Variants in NAALAD2 observed in about 807,000 individuals in gnomAD.
NAALAD2 encodes N-acetylated-alpha-linked acidic dipeptidase 2.
A neutral mutation model predicts 95.6 loss-of-function variants in NAALAD2; 89 were observed. The ratio of observed to expected loss-of-function variants is 0.93; its 90% CI spans 0.78 to 1.11. The LOEUF (loss-of-function observed/expected upper bound fraction) is 1.11. Ranked by LOEUF, NAALAD2 falls within the 50% of genes least tolerant of loss-of-function variation. The pLI is 0.00. For synonymous variants in NAALAD2, 264 were observed against 294.4 expected (o/e 0.90, Z 1.06); for missense variants, 894 against 872.4 (o/e 1.02, Z -0.31).
intron 18 of NAALAD2, among the ~76,000 whole-genome samples, chr11:90,188,333 T>C (rs1857222391): frequency 6.6e-6 from 1 of 152,226 alleles, no homozygotes; most frequent in South Asian, 2.1e-4. Flanking sequence ...ATGTGGAACA[T>C]ATAAAACATT....
chr11:90,163,438 C>G lies in NAALAD2; in HGVS notation c.1195+9C>G. ...AAAACTGATGAGTAAAGGTAAACAA[C>G]CTTTCTTTCCTAGGTGATGACAAAA... On this transcript the variant is annotated intron_variant, in intron 10 of 18. Coordinates refer to ENST00000534061, the MANE Select transcript of NAALAD2 (RefSeq NM_005467.4). The G allele has an allele frequency of 6.2e-7, 1 of 1,613,792 alleles. No individual in the cohort carries two copies. Among genetic ancestry groups the G allele is most frequent in the Non-Finnish European group, 8.5e-7 (1 of 1,179,882 alleles).
At position 90,178,128 on chromosome 11, in the gene NAALAD2, G is replaced by T. The variant is rs1160731967; in HGVS notation, c.1858+11G>T. On this transcript the variant is annotated intron_variant, in intron 16 of 18. Transcript: ENST00000534061. The stretch of plus-strand genomic sequence containing the variant: ...ATGGAGTATCATTTGGTAAGAAATA[G>T]TTGGGCAGATATTTTACAGTCTTTA... 1.9e-6 allele frequency: 3 copies of T among 1,600,838 alleles called. No homozygotes were observed. The highest frequency in any genetic ancestry group is 2.6e-6 in the Non-Finnish European group (3 of 1,175,202).
intron 18 of NAALAD2, among the ~76,000 whole-genome samples, chr11:90,186,629 A>G (rs1857150577): frequency 6.6e-6 from 1 of 151,636 alleles, no homozygotes; most frequent in African/African-American, 2.4e-5. Flanking sequence ...CCATATGTAG[A>G]AAGCTGAAAC....
At chr11:90,141,095 C>A (rs541778659) in intron 2 of NAALAD2, among the ~76,000 whole-genome samples, 2 of 152,206 alleles carry the variant, frequency 1.3e-5, no homozygotes, top group Admixed American at 6.5e-5. Context: ...TTATATTCTG[C>A]CCTATTTATC....
At chr11:90,168,389 C>T (rs1952540194) in intron 11 of NAALAD2, among the ~76,000 whole-genome samples, 1 of 152,218 alleles carries the variant, frequency 6.6e-6, no homozygotes, top group African/African-American at 2.4e-5. Context: ...CACCTGTAAT[C>T]CCGGGTACTC....
chr11:90,152,188 G>A (rs912359300), intron 5 of NAALAD2, 110 bp from the exon 6 acceptor site: 2 of 1,009,852 alleles, frequency 2.0e-6, no homozygotes, highest in East Asian at 5.4e-5. Flanking sequence ...TAATTGTATG[G>A]TAAAAGGCAG....
chr11:90,159,439 C>T (rs1952221481), intron 8 of NAALAD2, 102 bp downstream of exon 8: 3 of 794,000 alleles, frequency 3.8e-6, no homozygotes, highest in African/African-American at 1.8e-5. Flanking sequence ...ATCTCTTTTT[C>T]TCTTTCTAAA....
intron 18 of NAALAD2, among the ~76,000 whole-genome samples, chr11:90,186,486 CAT>C (rs1192184789): frequency 2.4e-4 from 37 of 152,118 alleles, no homozygotes; most frequent in Non-Finnish European, 2.2e-4. Flanking sequence ...CCGCAATAAA[CAT>C]GTGTGCATGT....
chr11:90,157,878 G>A (rs10741321), intron 6 of NAALAD2, among the ~76,000 whole-genome samples: 68,610 of 151,718 alleles, frequency 0.45, 16,567 homozygotes, highest in African/African-American at 0.62. Flanking sequence ...GCGCCACCAC[G>A]TCCAGCTAAT....
Position 90,177,586 on chromosome 11 carries a change from G to GTTTTTTTTTTTTTTTTTTTTTTTTTT in NAALAD2, c.1594-254_1594-229dup, listed in dbSNP as rs57694347. Among the ~76,000 whole-genome samples the GTTTTTTTTTTTTTTTTTTTTTTTTTT allele has an allele frequency of 7.4e-4, 21 of 28,464 alleles. 10 individuals are homozygous for GTTTTTTTTTTTTTTTTTTTTTTTTTT. Among genetic ancestry groups the GTTTTTTTTTTTTTTTTTTTTTTTTTT allele is most frequent in the African/African-American group, 1.2e-3 (9 of 7,250 alleles). The allele number at this position is 28,464 out of a possible 152,430, so 18.7% of individuals were successfully genotyped here. A position where few individuals can be genotyped will look rare whatever the true frequency, so the allele number is the denominator to read the frequency against. Reference sequence around the variant, plus strand: ...TATGGTTGTATTTTTTCTTTTTCTTGTTTTTTTTTTTTTTTTTTTTTTTTT... The same window carrying GTTTTTTTTTTTTTTTTTTTTTTTTTT: ...TATGGTTGTATTTTTTCTTTTTCTTGTTTTTTTTTTTTTTTTTTTTTTTTTTTTTTTTTTTTTTTTTTTTTTTTTTT... On this transcript the variant is annotated intron_variant, in intron 15 of 18. Coordinates refer to ENST00000534061, the MANE Select transcript of NAALAD2 (RefSeq NM_005467.4).
chr11:90,167,881 GCT>G (rs1159501337), intron 11 of NAALAD2, among the ~76,000 whole-genome samples: 81 of 152,122 alleles, frequency 5.3e-4, no homozygotes, highest in Admixed American at 5.1e-3. Flanking sequence ...AGACCAATCG[GCT>G]CTCTGTAAAA....
At chr11:90,153,809 T>A (rs1375354406) in intron 6 of NAALAD2, among the ~76,000 whole-genome samples, 1 of 152,086 alleles carries the variant, frequency 6.6e-6, no homozygotes, top group African/African-American at 2.4e-5. Context: ...CATAGTTTTA[T>A]GCTATTGTAA....
chr11:90,172,408 C>T (rs1271268947), intron 13 of NAALAD2, among the ~76,000 whole-genome samples: 2 of 152,144 alleles, frequency 1.3e-5, no homozygotes, highest in African/African-American at 4.8e-5. Flanking sequence ...TTACCTTCTA[C>T]TTGAAGGCTG....
At chr11:90,185,874 T>TTTA (rs1491131053) in intron 18 of NAALAD2, among the ~76,000 whole-genome samples, 1 of 111,156 alleles carries the variant, frequency 9.0e-6, no homozygotes, top group African/African-American at 2.9e-5. Context: ...TTTTTTTTTT[T>TTTA]ATATACATTT....
At chr11:90,185,643 C>T (rs532420746) in intron 18 of NAALAD2, among the ~76,000 whole-genome samples, 21 of 152,082 alleles carry the variant, frequency 1.4e-4, no homozygotes, top group Admixed American at 8.5e-4. Context: ...ACTCCAGCTT[C>T]GACAATCTCT....
intron 2 of NAALAD2, among the ~76,000 whole-genome samples, chr11:90,142,937 A>T (rs1338826681): frequency 1.3e-5 from 2 of 152,028 alleles, no homozygotes; most frequent in Non-Finnish European, 2.9e-5. Context: ...GTATTCTTAA[A>T]TTTACTACTG....
At chr11:90,152,160 C>G in intron 5 of NAALAD2, 138 bp from the exon 6 acceptor site, 1 of 718,590 alleles carries the variant, frequency 1.4e-6, no homozygotes, top group Non-Finnish European at 2.1e-6. Context: ...GTGTTCAAAG[C>G]CAAGAGAACT....
chr11:90,186,997 C>G (rs1159669029), intron 18 of NAALAD2, among the ~76,000 whole-genome samples: 1 of 151,044 alleles, frequency 6.6e-6, no homozygotes, highest in Non-Finnish European at 1.5e-5. Flanking sequence ...ACAACCCCAT[C>G]AAAAAGTGGG....
intron 18 of NAALAD2, among the ~76,000 whole-genome samples, chr11:90,188,710 T>C (rs1425849272): frequency 3.9e-5 from 6 of 152,244 alleles, no homozygotes; most frequent in African/African-American, 1.4e-4. Context: ...AGCAGCATGC[T>C]TGATAAATTT....
Sources: allele counts gnomAD v4.1 joint callset (sites outside exome capture counted in the v4.1 genomes callset), GRCh38; gene constraint gnomAD v4.1.1; transcripts MANE v1.5; gene names NCBI Gene and HGNC (gene_info 2026-07-23, HGNC 2026-07-21).